Variants in CNTN5 observed in about 807,000 individuals in gnomAD.
The protein encoded by CNTN5 is contactin-5.
In CNTN5, 77 loss-of-function variants were observed where a neutral mutation model predicts 129.1. The observed-to-expected ratio is 0.60, with a 90% CI of 0.50 to 0.72. The LOEUF (loss-of-function observed/expected upper bound fraction) is 0.72. CNTN5 is among the 30% of genes least tolerant of loss of function. CNTN5 has a pLI of 0.00. For missense variants in CNTN5, 1,478 were observed against 1,328.8 expected (o/e 1.11, Z -1.75); for synonymous variants, 509 against 465.6 (o/e 1.09, Z -1.20).
At chr11:100,161,819 C>A (rs914060785) in intron 13 of CNTN5, among the ~76,000 whole-genome samples, 1 of 116,604 alleles carries the variant, frequency 8.6e-6, no homozygotes, top group Admixed American at 9.2e-5. Flanking sequence ...AAGGATAGCC[C>A]TGGAGCTTCC....
chr11:99,471,689 C>T (rs1945180613), intron 2 of CNTN5, among the ~76,000 whole-genome samples: 1 of 151,718 alleles, frequency 6.6e-6, no homozygotes, highest in African/African-American at 2.4e-5. Flanking sequence ...CATGTGGAAA[C>T]AGTGGCTGAC....
At chr11:99,651,335 A>C (rs990455472) in intron 3 of CNTN5, among the ~76,000 whole-genome samples, 1 of 151,932 alleles carries the variant, frequency 6.6e-6, no homozygotes, top group Non-Finnish European at 1.5e-5. Flanking sequence ...AGGGGAAAGA[A>C]GTTAAAATAT....
rs115807747 is a variant in CNTN5 at position 99,755,389 on chromosome 11, G to A, written c.56-64155G>A. ...TGCTTCACATTCTCAACAGCATTTA[G>A]TGTTGTCAGTGTTCTAGATTTTGGG... is the stretch of plus-strand genomic sequence containing the variant. On this transcript the variant is annotated intron_variant, in intron 3 of 24. Transcript: ENST00000524871. Among the ~76,000 whole-genome samples, 856 of 152,238 alleles carry A rather than the reference G, an allele frequency of 5.6e-3. 10 individuals carry two copies. Among genetic ancestry groups the A allele is most frequent in the African/African-American group, 0.017 (695 of 41,556 alleles).
In CNTN5 at chr11:100,199,406, C is replaced by T. The variant is rs143887484; in HGVS notation, c.1884+5743C>T. On this transcript the variant is annotated intron_variant, in intron 15 of 24. Coordinates refer to ENST00000524871, the MANE Select transcript of CNTN5 (RefSeq NM_014361.4). ...TGAACGCTGGCAACCTAGTAATCCACCCATTTTCTATTCCAACCTCCTGAC... is the reference window on the plus strand; with the variant it reads ...TGAACGCTGGCAACCTAGTAATCCATCCATTTTCTATTCCAACCTCCTGAC... 1.5e-3 allele frequency among the ~76,000 whole-genome samples: 229 copies of T among 151,984 alleles called. 2 individuals carry two copies. The highest frequency in any genetic ancestry group is 5.4e-3 in the African/African-American group (226 of 41,526).
chr11:99,146,363 C>T (rs890122232), intron 1 of CNTN5, among the ~76,000 whole-genome samples: 7 of 151,906 alleles, frequency 4.6e-5, no homozygotes, highest in African/African-American at 9.7e-5. Flanking sequence ...ACATATTTGG[C>T]CTTTGTTCAT....
chr11:99,743,924 G>GTT (rs1943962814), intron 3 of CNTN5, among the ~76,000 whole-genome samples: 1 of 152,106 alleles, frequency 6.6e-6, no homozygotes, highest in Non-Finnish European at 1.5e-5. Context: ...TTATTCAGAA[G>GTT]CAGTAAATGT....
chr11:99,236,469 A>AACACACACACACAC (rs33985126), intron 1 of CNTN5, among the ~76,000 whole-genome samples: 1 of 149,994 alleles, frequency 6.7e-6, no homozygotes, highest in African/African-American at 2.4e-5. Context: ...CTCACACACA[A>AACACACACACACAC]ACACACACAC....
At chr11:100,278,764 A>G (rs1334607607) in intron 18 of CNTN5, among the ~76,000 whole-genome samples, 1 of 151,946 alleles carries the variant, frequency 6.6e-6, no homozygotes, top group Admixed American at 6.6e-5. Context: ...GAAAAAGTTG[A>G]TGTCTTCCTT....
chr11:99,547,162 C>G (rs1306062381), intron 2 of CNTN5, among the ~76,000 whole-genome samples: 1 of 152,024 alleles, frequency 6.6e-6, no homozygotes, highest in Non-Finnish European at 1.5e-5. Flanking sequence ...CACCACCACA[C>G]CCGGCTAATT....
At chr11:99,107,258 A>T (rs1357289486) in intron 1 of CNTN5, among the ~76,000 whole-genome samples, 2 of 152,168 alleles carry the variant, frequency 1.3e-5, no homozygotes, top group Non-Finnish European at 2.9e-5. Flanking sequence ...ATAGTGGAAC[A>T]TACATACATA....
At chr11:99,375,302 C>CAAAAAAAAAA (rs397848951) in intron 2 of CNTN5, among the ~76,000 whole-genome samples, 1 of 53,568 alleles carries the variant, frequency 1.9e-5, no homozygotes, top group Admixed American at 3.1e-4. Flanking sequence ...GAGTCTGTCT[C>CAAAAAAAAAA]AAAAAAAAAA....
At chr11:99,559,693 G>T (rs1157435875) in intron 3 of CNTN5, among the ~76,000 whole-genome samples, 1 of 152,078 alleles carries the variant, frequency 6.6e-6, no homozygotes, top group African/African-American at 2.4e-5. Context: ...CAAACAGTAG[G>T]TCTTCTAGGC....
At chr11:99,206,735 T>C (rs185900599) in intron 1 of CNTN5, among the ~76,000 whole-genome samples, 1 of 152,166 alleles carries the variant, frequency 6.6e-6, no homozygotes, top group African/African-American at 2.4e-5. Flanking sequence ...TTCACTGAAA[T>C]ATCTTTAAGC....
intron 10 of CNTN5, among the ~76,000 whole-genome samples, chr11:100,068,291 A>T (rs77214816): frequency 3.2e-4 from 49 of 152,308 alleles, no homozygotes; most frequent in African/African-American, 1.2e-3. Flanking sequence ...CTACGACATG[A>T]ATATTTTCCA....
intron 9 of CNTN5, among the ~76,000 whole-genome samples, chr11:100,022,511 A>AT (rs1291167384): frequency 3.5e-4 from 54 of 152,198 alleles, no homozygotes; most frequent in African/African-American, 9.6e-4. Context: ...TATAAAGCCC[A>AT]TAGTACAATG....
At chr11:99,369,386 C>T (rs1434984233) in intron 2 of CNTN5, among the ~76,000 whole-genome samples, 1 of 151,000 alleles carries the variant, frequency 6.6e-6, no homozygotes, top group South Asian at 2.1e-4. Context: ...CTGTCAGACA[C>T]CTTTGTAGTC....
intron 6 of CNTN5, among the ~76,000 whole-genome samples, chr11:99,852,891 G>C (rs1248636350): frequency 6.6e-6 from 1 of 152,134 alleles, no homozygotes; most frequent in Non-Finnish European, 1.5e-5. Flanking sequence ...CCTTTCCCAA[G>C]CATAGGAGAT....
In CNTN5 at chr11:99,927,686, C is replaced by T. The variant is rs561544714; in HGVS notation, c.673+11537C>T. 2.6e-5 allele frequency among the ~76,000 whole-genome samples: 4 copies of T among 152,260 alleles called. No homozygotes were observed. The South Asian group carries it at 8.3e-4, about 32-fold the overall frequency. ...GATAACTGCTCTCATGATTAAATTA[C>T]CTCTCACCAGGTCCCTCCCACAACA... On this transcript the variant is annotated intron_variant, in intron 7 of 24. Transcript: ENST00000524871.
At chr11:99,170,462 T>C (rs915975879) in intron 1 of CNTN5, among the ~76,000 whole-genome samples, 1 of 152,170 alleles carries the variant, frequency 6.6e-6, no homozygotes, top group Non-Finnish European at 1.5e-5. Flanking sequence ...GGGCTTATTT[T>C]TCTAAGGTCT....
Sources: allele counts gnomAD v4.1 joint callset (sites outside exome capture counted in the v4.1 genomes callset), GRCh38; gene constraint gnomAD v4.1.1; transcripts MANE v1.5; gene names NCBI Gene and HGNC (gene_info 2026-07-23, HGNC 2026-07-21).